Variants in HDAC9 observed in about 807,000 individuals in gnomAD.
HDAC9 encodes histone deacetylase 9.
Under a neutral mutation model 139.4 loss-of-function variants are expected in HDAC9, and 41 were observed. The observed-to-expected ratio is 0.29, with a 90% CI of 0.23 to 0.38. The LOEUF is 0.38. Ranked by LOEUF, HDAC9 falls within the 10% of genes least tolerant of loss-of-function variation. The pLI is 1.00. For synonymous variants in HDAC9, 517 were observed against 476.2 expected (o/e 1.09, Z -1.12); for missense variants, 1,147 against 1,297.0 (o/e 0.88, Z 1.78).
chr7:18,991,918 G>A (rs1486135219), intron 25 of HDAC9, among the ~76,000 whole-genome samples: 1 of 152,208 alleles, frequency 6.6e-6, no homozygotes, highest in Non-Finnish European at 1.5e-5. Context: ...TTTGTTCATT[G>A]CTATGTTCCT....
intron 2 of HDAC9, among the ~76,000 whole-genome samples, chr7:18,175,187 G>T (rs1788788892): frequency 6.6e-6 from 1 of 152,152 alleles, no homozygotes; most frequent in Non-Finnish European, 1.5e-5. Flanking sequence ...CCCCTGCCAG[G>T]CTGCTGCCTT....
chr7:18,159,233 CTG>C (rs1228107444), intron 1 of HDAC9, among the ~76,000 whole-genome samples: 1 of 152,148 alleles, frequency 6.6e-6, no homozygotes, highest in African/African-American at 2.4e-5. Context: ...TTTTGATAAT[CTG>C]TATTTACAAA....
intron 1 of HDAC9, among the ~76,000 whole-genome samples, chr7:18,124,683 T>C (rs546549876): frequency 6.6e-6 from 1 of 152,220 alleles, no homozygotes; most frequent in South Asian, 2.1e-4. Flanking sequence ...ACTTTATTTA[T>C]TTATGTATTT....
chr7:18,820,779 C>T (rs1794906452), intron 17 of HDAC9, among the ~76,000 whole-genome samples: 2 of 152,146 alleles, frequency 1.3e-5, no homozygotes, highest in South Asian at 2.1e-4. Flanking sequence ...GGACATTAAT[C>T]GTGTAATAAA....
chr7:18,394,234 G>A (rs571313305), intron 1 of HDAC9, among the ~76,000 whole-genome samples: 1 of 152,136 alleles, frequency 6.6e-6, no homozygotes, highest in South Asian at 2.1e-4. Flanking sequence ...AAAGGTTGGG[G>A]CTGTCTTAAT....
At chr7:18,894,340 C>T (rs1366468051) in intron 22 of HDAC9, among the ~76,000 whole-genome samples, 1 of 152,036 alleles carries the variant, frequency 6.6e-6, no homozygotes, top group East Asian at 1.9e-4. Context: ...GACATTGGAG[C>T]CATGAGGGGG....
chr7:18,737,618 GACAA>G (rs762351051), intron 13 of HDAC9, among the ~76,000 whole-genome samples: 7 of 152,154 alleles, frequency 4.6e-5, no homozygotes, highest in Admixed American at 2.0e-4. Flanking sequence ...ACTGTTGTCT[GACAA>G]ACAGTTTATT....
chr7:18,227,713 G>A (rs745843520), intron 2 of HDAC9, among the ~76,000 whole-genome samples: 4 of 152,052 alleles, frequency 2.6e-5, no homozygotes, highest in Non-Finnish European at 5.9e-5. Flanking sequence ...GCTGCCTGCT[G>A]TCATTTTTTC....
chr7:18,704,044 A>G (rs1725021192), intron 12 of HDAC9, among the ~76,000 whole-genome samples: 1 of 152,158 alleles, frequency 6.6e-6, no homozygotes, highest in South Asian at 2.1e-4. Context: ...GGTATCAAAA[A>G]CAGCTCTTAA....
intron 21 of HDAC9, among the ~76,000 whole-genome samples, chr7:18,836,934 C>G (rs1173598837): frequency 6.6e-6 from 1 of 151,848 alleles, no homozygotes; most frequent in Non-Finnish European, 1.5e-5. Flanking sequence ...TTTATAAGTT[C>G]CCATGAAGAA....
At chr7:18,484,173 CAAA>C (rs1177599086) in intron 1 of HDAC9, among the ~76,000 whole-genome samples, 876 of 63,232 alleles carry the variant, frequency 0.014, 6 homozygotes, top group African/African-American at 0.044. Context: ...CCTTATCTCT[CAAA>C]AAAAAAAAAA....
chr7:18,307,096 CTTGTGTGT>C (rs750164368), intron 1 of HDAC9, among the ~76,000 whole-genome samples: 1 of 108,680 alleles, frequency 9.2e-6, no homozygotes, highest in Non-Finnish European at 1.8e-5. Flanking sequence ...GAGGGCAGTT[CTTGTGTGT>C]GTGTGTGTGT....
chr7:18,945,389 C>A (rs1423346136), intron 23 of HDAC9, among the ~76,000 whole-genome samples: 1 of 152,170 alleles, frequency 6.6e-6, no homozygotes, highest in Non-Finnish European at 1.5e-5. Flanking sequence ...ACTGATTTAG[C>A]AATTCTTTAT....
chr7:18,214,188 G>A (rs1040941320), intron 2 of HDAC9, among the ~76,000 whole-genome samples: 4 of 151,970 alleles, frequency 2.6e-5, no homozygotes, highest in Non-Finnish European at 5.9e-5. Context: ...TATTAATAGA[G>A]TATAATTGTT....
At chr7:18,406,751 T>TAC (rs1207107244) in intron 1 of HDAC9, among the ~76,000 whole-genome samples, 2 of 152,200 alleles carry the variant, frequency 1.3e-5, no homozygotes, top group African/African-American at 4.8e-5. Context: ...TTTGGTCTAG[T>TAC]AACTACACCA....
intron 1 of HDAC9, among the ~76,000 whole-genome samples, chr7:18,297,908 G>A (rs189017178): frequency 1.3e-5 from 2 of 152,244 alleles, no homozygotes; most frequent in Non-Finnish European, 2.9e-5. Context: ...CCTTAATGAC[G>A]TTCCATCCTG....
At chr7:18,900,384 G>A (rs1236825173) in intron 22 of HDAC9, among the ~76,000 whole-genome samples, 2 of 152,108 alleles carry the variant, frequency 1.3e-5, no homozygotes, top group African/African-American at 4.8e-5. Flanking sequence ...GCCCACTGAA[G>A]AACAGATGGC....
intron 19 of HDAC9, among the ~76,000 whole-genome samples, chr7:18,830,372 C>T (rs1479947106): frequency 6.6e-6 from 1 of 152,126 alleles, no homozygotes; most frequent in African/African-American, 2.4e-5. Flanking sequence ...ACCCTGGCAT[C>T]CAAACCGAAC....
chr7:18,160,417 TA>T (rs1035135642), intron 1 of HDAC9, among the ~76,000 whole-genome samples: 4 of 152,324 alleles, frequency 2.6e-5, no homozygotes, highest in African/African-American at 9.6e-5. Flanking sequence ...CAAATTCAAG[TA>T]AATTTAACTT....
Sources: allele counts gnomAD v4.1 joint callset (sites outside exome capture counted in the v4.1 genomes callset), GRCh38; gene constraint gnomAD v4.1.1; transcripts MANE v1.5; gene names NCBI Gene and HGNC (gene_info 2026-07-23, HGNC 2026-07-21).